The following FBXO38 variants were observed in gnomAD, a reference collection of about 807,000 sequenced individuals.
The protein encoded by FBXO38 is F-box only protein 38.
In FBXO38, 53 loss-of-function variants were observed where a neutral mutation model predicts 131.9. That is an observed-to-expected ratio of 0.40 (90% CI 0.32 to 0.51). The LOEUF is 0.51. Among genes scored for constraint, FBXO38 ranks in the 20% least tolerant of loss-of-function variants. FBXO38 has a pLI of 0.53. For missense variants in FBXO38, 1,076 were observed against 1,475.6 expected (o/e 0.73, Z 4.44); for synonymous variants, 452 against 505.6 (o/e 0.89, Z 1.42).
At chr5:148,398,721 A>C (rs1016715237) in intron 2 of FBXO38, among the ~76,000 whole-genome samples, 2 of 124,624 alleles carry the variant, frequency 1.6e-5, no homozygotes, top group African/African-American at 6.0e-5. Context: ...GTTTGTTTTT[A>C]GATTTTCTTT....
intron 4 of FBXO38, 86 bp from the exon 5 acceptor site, chr5:148,402,262 T>C (rs1752199644): frequency 1.3e-6 from 2 of 1,540,438 alleles, no homozygotes; most frequent in African/African-American, 1.4e-5. Flanking sequence ...TTAAGTTCCA[T>C]TGTGTACTTA....
chr5:148,395,013 A>G lies in FBXO38; in HGVS notation c.128+109A>G, dbSNP rs564033356. 2.3e-5 allele frequency: 26 copies of G among 1,147,698 alleles called. 1 individual carries two copies. The African/African-American group carries it at 2.7e-4, about 12-fold the overall frequency. 71.1% of individuals were successfully genotyped at this position (1,147,698 alleles called of 1,614,324 possible). A position where few individuals can be genotyped will look rare whatever the true frequency, so the allele number is the denominator to read the frequency against. ...AGCTACATGCAGCATTTACATTTCA[A>G]TTAAGTAAAAATGTAAAATTTAGTT... On this transcript the variant is annotated intron_variant, in intron 2 of 21. Coordinates refer to ENST00000340253, the MANE Select transcript of FBXO38 (RefSeq NM_205836.3).
Position 148,406,362 on chromosome 5 carries a change from T to C in FBXO38, c.836T>C (p.Ile279Thr). The change falls in exon 7 of 22, where the codon ATC (isoleucine) becomes ACC (threonine). Residue 279 changes from isoleucine (I) to threonine (T), a missense_variant. Physicochemically the swap from Ile to Thr is moderately conservative, Grantham distance 89. Transcript: ENST00000340253. ...CGAGTTCCTTTCCTTGGAGGTCTTA[T>C]CCAACATGTTGTTGAAGACAGTTGG... Reference protein sequence around the residue: ...MVRVPFLGGLIQHVVEDSWRS... With the variant: ...MVRVPFLGGLTQHVVEDSWRS... 6.2e-7 allele frequency: 1 copy of C among 1,601,094 alleles called. No individual in the cohort carries two copies. The highest frequency in any genetic ancestry group is 8.5e-7 in the Non-Finnish European group (1 of 1,174,416).
chr5:148,388,637 A>G (rs867652315), intron 1 of FBXO38, among the ~76,000 whole-genome samples: 5 of 152,136 alleles, frequency 3.3e-5, no homozygotes, highest in Admixed American at 2.6e-4. Flanking sequence ...CTAGCTTTCA[A>G]CTTTTCTTCT....
intron 7 of FBXO38, among the ~76,000 whole-genome samples, chr5:148,407,954 A>G (rs1347241599): frequency 1.3e-5 from 2 of 151,928 alleles, no homozygotes; most frequent in Non-Finnish European, 2.9e-5. Context: ...AGAGTGAAAA[A>G]CCAAGCTACA....
At chr5:148,414,496 G>A (rs1028323668) in intron 10 of FBXO38, among the ~76,000 whole-genome samples, 190 bp downstream of exon 10, 1 of 152,086 alleles carries the variant, frequency 6.6e-6, no homozygotes, top group Non-Finnish European at 1.5e-5. Flanking sequence ...TTAAACTTCT[G>A]ACGTTCTCTG....
intron 18 of FBXO38, 116 bp downstream of exon 18, chr5:148,438,614 T>A: frequency 9.3e-7 from 1 of 1,071,104 alleles, no homozygotes; most frequent in Admixed American, 2.6e-5. Context: ...CAACCTACAG[T>A]AATGATATTT....
In FBXO38 at chr5:148,402,512, T is replaced by G; in HGVS notation, c.591T>G (p.Val197=). 6.2e-7 allele frequency: 1 copy of G among 1,605,658 alleles called. No homozygotes were observed. ...CCAAAATTCAAACTTTACATTTAGT[T>G]GGTGAGTACATGTTTCTTGGGTCAC... is the stretch of plus-strand genomic sequence containing the variant. ...IGAKIQTLHL[V]GVNVPEIPCI... is the part of the protein sequence containing the mutation. Residue 197 remains valine (V), a splice_region_variant and synonymous_variant, in exon 5 of 22, where the codon GTT becomes GTG. Transcript: ENST00000340253.
At chr5:148,384,306 G>T (rs1247406547) in intron 1 of FBXO38, among the ~76,000 whole-genome samples, 1 of 152,206 alleles carries the variant, frequency 6.6e-6, no homozygotes, top group African/African-American at 2.4e-5. Context: ...CTGGGCCCCA[G>T]TTTCCTCAAT....
At chr5:148,406,474 G>T in intron 7 of FBXO38, 80 bp downstream of exon 7, 1 of 1,198,936 alleles carries the variant, frequency 8.3e-7, no homozygotes, top group South Asian at 1.9e-5. Context: ...AACTTCCCTG[G>T]CAAGTCTTTA....
In FBXO38 at chr5:148,417,081, A is replaced by G; in HGVS notation, c.1495A>G (p.Asn499Asp). 1 of 1,613,426 alleles carries G rather than the reference A, an allele frequency of 6.2e-7. No individual in the cohort carries two copies. Among genetic ancestry groups the G allele is most frequent in the East Asian group, 2.2e-5 (1 of 44,860 alleles). Residue 499 changes from asparagine (N) to aspartate (D), a missense_variant, in exon 12 of 22, where the codon AAT becomes GAT. By Grantham distance (23) the Asn-to-Asp change is conservative. Coordinates refer to ENST00000340253, the MANE Select transcript of FBXO38 (RefSeq NM_205836.3). ...VSNQNSNNDDNNAQNNNANIH... is the reference protein window; with the variant it reads ...VSNQNSNNDDDNAQNNNANIH... Reference sequence around the variant, plus strand: ...CAACCAGAACTCCAACAATGACGATAATAATGCCCAGAATAACAATGCCAA... The same window carrying G: ...CAACCAGAACTCCAACAATGACGATGATAATGCCCAGAATAACAATGCCAA...
At chr5:148,431,154 G>A (rs1253817001) in intron 15 of FBXO38, among the ~76,000 whole-genome samples, 1 of 152,162 alleles carries the variant, frequency 6.6e-6, no homozygotes, top group Non-Finnish European at 1.5e-5. Context: ...CACATGGAAT[G>A]GGGCTTAGAT....
At chr5:148,409,031 T>G in intron 7 of FBXO38, 93 bp from the exon 8 acceptor site, 1 of 672,066 alleles carries the variant, frequency 1.5e-6, no homozygotes. Context: ...AATCAGTAAT[T>G]ATCATCTCAG....
At chr5:148,385,976 G>C (rs1405434429) in intron 1 of FBXO38, among the ~76,000 whole-genome samples, 3 of 152,130 alleles carry the variant, frequency 2.0e-5, no homozygotes, top group African/African-American at 4.8e-5. Context: ...TGACGAGATA[G>C]GAGAACACTT....
intron 17 of FBXO38, among the ~76,000 whole-genome samples, chr5:148,436,571 C>T (rs1231533242): frequency 6.9e-6 from 1 of 145,152 alleles, no homozygotes; most frequent in Non-Finnish European, 1.5e-5. Context: ...GTTCGTCAAC[C>T]TGTATTGCCA....
Position 148,402,492 on chromosome 5 carries a change from A to G in FBXO38, c.571A>G (p.Ile191Val). Residue 191 changes from isoleucine (I) to valine (V), a missense_variant, in exon 5 of 22, where the codon ATT becomes GTT. By Grantham distance (29) the Ile-to-Val change is conservative. Coordinates refer to ENST00000340253, the MANE Select transcript of FBXO38 (RefSeq NM_205836.3). Reference sequence around the variant, plus strand: ...ACTGAAAATTCCTATAGGAGCCAAAATTCAAACTTTACATTTAGTTGGTGA... The same window carrying G: ...ACTGAAAATTCCTATAGGAGCCAAAGTTCAAACTTTACATTTAGTTGGTGA... ...NKLKIPIGAK[I>V]QTLHLVGVNV... 6.2e-7 allele frequency: 1 copy of G among 1,609,596 alleles called. No homozygotes were observed. The highest frequency in any genetic ancestry group is 8.5e-7 in the Non-Finnish European group (1 of 1,177,436).
At chr5:148,396,725 T>C (rs559195207) in intron 2 of FBXO38, among the ~76,000 whole-genome samples, 1 of 152,264 alleles carries the variant, frequency 6.6e-6, no homozygotes, top group South Asian at 2.1e-4. Context: ...ACTCCTGGGC[T>C]TAAGCAATCC....
At chr5:148,439,849 C>T (rs1754571311) in intron 19 of FBXO38, 57 bp downstream of exon 19, 1 of 1,543,422 alleles carries the variant, frequency 6.5e-7, no homozygotes, top group East Asian at 2.3e-5. Flanking sequence ...AGCAGGGACT[C>T]CCAGAAGCAA....
chr5:148,417,535 C>A (rs193019660), intron 12 of FBXO38, among the ~76,000 whole-genome samples: 27 of 152,144 alleles, frequency 1.8e-4, no homozygotes, highest in African/African-American at 6.5e-4. Flanking sequence ...GTCTCCTAGA[C>A]CAATGGATAG....
Sources: allele counts gnomAD v4.1 joint callset (sites outside exome capture counted in the v4.1 genomes callset), GRCh38; gene constraint gnomAD v4.1.1; transcripts MANE v1.5; gene names NCBI Gene and HGNC (gene_info 2026-07-23, HGNC 2026-07-21).